Variants in ABCD2 observed in about 807,000 individuals in gnomAD.
ABCD2 encodes ATP-binding cassette sub-family D member 2.
Under a neutral mutation model 70.9 loss-of-function variants are expected in ABCD2, and 36 were observed. The ratio of observed to expected loss-of-function variants is 0.51; its 90% confidence interval spans 0.39 to 0.67. ABCD2 has a LOEUF of 0.67. ABCD2 is among the 30% of genes least tolerant of loss of function. ABCD2 has a pLI of 0.00. For missense variants in ABCD2, 729 were observed against 890.2 expected, an observed-to-expected ratio of 0.82 and a Z score of 2.30; for synonymous variants, 304 against 306.9, an observed-to-expected ratio of 0.99 and a Z score of 0.10.
In ABCD2 at chr12:39,586,352, A is replaced by G. The variant is rs558377100; in HGVS notation, c.1647-55T>C. On this transcript the variant is annotated intron_variant, in intron 6 of 9. Coordinates refer to ENST00000308666, the MANE Select transcript of ABCD2 (RefSeq NM_005164.4). ...AGTGGAAAGTCATGATAACTTACTC[A>G]GTGTGACAACTTGGTAGTCTGAAAA... The G allele has an allele frequency of 2.5e-5, 39 of 1,557,256 alleles. No homozygotes were observed. The East Asian group carries it at 8.6e-4, about 34-fold the overall frequency.
chr12:39,587,489 A>G (rs1045323614), intron 6 of ABCD2, among the ~76,000 whole-genome samples: 5 of 152,304 alleles, frequency 3.3e-5, no homozygotes, highest in Admixed American at 6.5e-5. Flanking sequence ...GATAATGCCA[A>G]ATGTCCCTGG....
chr12:39,608,582 G>A (rs1052651845), intron 2 of ABCD2, among the ~76,000 whole-genome samples: 11 of 152,062 alleles, frequency 7.2e-5, no homozygotes, highest in Non-Finnish European at 1.5e-4. Context: ...CAGCTACTTG[G>A]GAGGCTGAGG....
chr12:39,534,799 AAAGAAAGAAAAG>A, the ABCD2 span, among the ~76,000 whole-genome samples: 3 of 136,414 alleles, frequency 2.2e-5, no homozygotes, highest in Non-Finnish European at 3.2e-5. Flanking sequence ...AGAAAGAAAG[AAAGAAAGAAAAG>A]AAAGGAAGGA....
chr12:39,603,881 A>G (rs1437271374), intron 5 of ABCD2, 31 bp downstream of exon 5: 1 of 1,498,864 alleles, frequency 6.7e-7, no homozygotes, highest in East Asian at 2.3e-5. Context: ...TGTGATGGCA[A>G]CAATCAGAAG....
At chr12:39,562,481 A>C (rs1408915513) in intron 9 of ABCD2, among the ~76,000 whole-genome samples, 1 of 152,082 alleles carries the variant, frequency 6.6e-6, no homozygotes, top group African/African-American at 2.4e-5. Flanking sequence ...CAAATAAATA[A>C]ATTCAGAGAT....
At chr12:39,599,424 C>T (rs546716124) in intron 6 of ABCD2, among the ~76,000 whole-genome samples, 4 of 152,300 alleles carry the variant, frequency 2.6e-5, no homozygotes, top group Admixed American at 6.5e-5. Context: ...ATTTAGCTTT[C>T]AGAATCAGAA....
intron 7 of ABCD2, among the ~76,000 whole-genome samples, chr12:39,583,239 A>G (rs1359197552): frequency 1.3e-5 from 2 of 152,190 alleles, no homozygotes; most frequent in Non-Finnish European, 2.9e-5. Flanking sequence ...CAAAAAACTT[A>G]TAAGGTAGAT....
chr12:39,583,218 T>C (rs1941621229), intron 7 of ABCD2, among the ~76,000 whole-genome samples: 1 of 152,192 alleles, frequency 6.6e-6, no homozygotes, highest in Non-Finnish European at 1.5e-5. Flanking sequence ...TACAGTCTTA[T>C]TTAATCTTCA....
chr12:39,536,051 C>T, the ABCD2 span, among the ~76,000 whole-genome samples: 2 of 152,134 alleles, frequency 1.3e-5, no homozygotes, highest in Non-Finnish European at 2.9e-5. Flanking sequence ...GATCGCGTCA[C>T]CGCACTCCAG....
intron 7 of ABCD2, among the ~76,000 whole-genome samples, chr12:39,582,134 T>G (rs745726866): frequency 2.0e-5 from 3 of 152,228 alleles, no homozygotes; most frequent in Non-Finnish European, 2.9e-5. Context: ...GTTTAAGAAT[T>G]AAGCAAGTAA....
chr12:39,600,440 A>AT (rs1404583899), intron 6 of ABCD2, 131 bp downstream of exon 6: 1 of 951,836 alleles, frequency 1.1e-6, no homozygotes, highest in African/African-American at 1.7e-5. Flanking sequence ...GGCTAAGTGA[A>AT]TTTTTATTTC....
chr12:39,572,906 T>A (rs1007397450), intron 9 of ABCD2, among the ~76,000 whole-genome samples: 1 of 152,184 alleles, frequency 6.6e-6, no homozygotes, highest in Admixed American at 6.5e-5. Flanking sequence ...TAAATAGAAA[T>A]GCAAAAGTAG....
intron 5 of ABCD2, among the ~76,000 whole-genome samples, chr12:39,602,127 T>TTTTATTTA (rs78767678): frequency 0.011 from 1,670 of 145,298 alleles, 18 homozygotes; most frequent in Middle Eastern, 0.025. Flanking sequence ...TTTTTAAAAA[T>TTTTATTTA]TTTATTTATT....
At chr12:39,580,351 T>A (rs1359556212) in intron 7 of ABCD2, among the ~76,000 whole-genome samples, 2 of 152,216 alleles carry the variant, frequency 1.3e-5, no homozygotes, top group Non-Finnish European at 2.9e-5. Flanking sequence ...ACATCTTAAC[T>A]GTTGACTTTC....
At position 39,573,809 on chromosome 12, in the gene ABCD2, C is replaced by T. The variant is rs1941480216; in HGVS notation, c.1910G>A (p.Ser637Asn). The T allele has an allele frequency of 6.2e-7, 1 of 1,612,434 alleles. No individual in the cohort carries two copies. Among genetic ancestry groups the T allele is most frequent in the African/African-American group, 1.3e-5 (1 of 74,886 alleles). The change falls in exon 9 of 10, where the codon AGT becomes AAT. Residue 637 changes from serine (S) to asparagine (N), a missense_variant. By Grantham distance (46) the Ser-to-Asn change is conservative. Coordinates refer to ENST00000308666, the MANE Select transcript of ABCD2 (RefSeq NM_005164.4). ...TCCTTCGACATCAATGCTGACAGCA[C>T]TGGTACATTCATCCAGCAAGGCATA... Reference protein sequence around the residue: ...PKYALLDECTSAVSIDVEGKI... With the variant: ...PKYALLDECTNAVSIDVEGKI...
intron 7 of ABCD2, among the ~76,000 whole-genome samples, chr12:39,582,851 T>C (rs1378434817): frequency 6.6e-6 from 1 of 152,120 alleles, no homozygotes; most frequent in Non-Finnish European, 1.5e-5. Context: ...ATATTACCAT[T>C]AGCTACTAAT....
the ABCD2 span, among the ~76,000 whole-genome samples, chr12:39,539,128 A>G: frequency 1.3e-5 from 2 of 152,232 alleles, no homozygotes; most frequent in Admixed American, 6.5e-5. Flanking sequence ...TTACCTCTTA[A>G]TAAGAAATTA....
rs1591994133 is a variant in ABCD2, at chr12:39,603,841, G to A, written c.1500+71C>T. The A allele has an allele frequency of 1.3e-5, 15 of 1,134,034 alleles. No homozygotes were observed. The East Asian group carries it at 3.6e-4, about 27-fold the overall frequency. 70.2% of individuals were successfully genotyped at this position (1,134,034 alleles called of 1,614,324 possible). On this transcript the variant is annotated intron_variant, in intron 5 of 9. Coordinates refer to ENST00000308666, the MANE Select transcript of ABCD2 (RefSeq NM_005164.4). Reference sequence around the variant, plus strand: ...TGCTCCTCCAAGTATTTAACATAAGGTACATGAATTCTGAGTTGTTTTGTA... The same window carrying A: ...TGCTCCTCCAAGTATTTAACATAAGATACATGAATTCTGAGTTGTTTTGTA...
chr12:39,595,527 A>G (rs1234809611), intron 6 of ABCD2, among the ~76,000 whole-genome samples: 1 of 152,226 alleles, frequency 6.6e-6, no homozygotes, highest in Non-Finnish European at 1.5e-5. Flanking sequence ...AGTGATGTTT[A>G]CCATTCCTGC....
Sources: gnomAD v4.1 joint callset for allele counts (sites outside exome capture counted in the v4.1 genomes callset) on GRCh38, gnomAD v4.1.1 for gene constraint, MANE v1.5 for transcripts, NCBI Gene and HGNC (gene_info 2026-07-23, HGNC 2026-07-21) for gene names.